ZNF362: variants seen among roughly 807,000 people sequenced by gnomAD.
The protein encoded by ZNF362 is zinc finger protein 362.
In ZNF362, 11 loss-of-function variants were observed where a neutral mutation model predicts 42.9. That is an observed-to-expected ratio of 0.26 (90% confidence interval 0.16 to 0.42). ZNF362 has a LOEUF of 0.42. ZNF362 is among the 20% of genes least tolerant of loss of function. The probability of loss-of-function intolerance (pLI) is 1.00; values close to 1 mark genes in which losing one functional copy is unlikely to be tolerated. For missense variants in ZNF362, 362 were observed against 576.2 expected (o/e 0.63, Z 3.81); for synonymous variants, 255 against 257.3 (o/e 0.99, Z 0.09).
the ZNF362 span, chr1:33,146,226 A>G: frequency 2.6e-5 from 6 of 228,226 alleles, no homozygotes; most frequent in African/African-American, 1.4e-4. Flanking sequence ...ACCAGCTACA[A>G]GTGGCTCTTG....
chr1:33,250,893 AAGG>A, the ZNF362 span, among the ~76,000 whole-genome samples: 8 of 150,006 alleles, frequency 5.3e-5, no homozygotes, highest in Non-Finnish European at 7.4e-5. Context: ...GAAGAAGAAG[AAGG>A]AGAAGAAGAA....
intron 6 of ZNF362, among the ~76,000 whole-genome samples, chr1:33,285,834 G>A: frequency 6.6e-6 from 1 of 152,066 alleles, no homozygotes; most frequent in East Asian, 1.9e-4. Flanking sequence ...AGGCCAAGGT[G>A]GGTGAATCAC....
chr1:33,259,884 T>C (rs1439052919), intron 1 of ZNF362, among the ~76,000 whole-genome samples: 1 of 152,376 alleles, frequency 6.6e-6, no homozygotes, highest in East Asian at 1.9e-4. Context: ...TTAGGTCCCA[T>C]TGTGTCACAT....
chr1:33,289,174 CAG>C (rs1646056129), intron 6 of ZNF362, among the ~76,000 whole-genome samples: 1 of 152,100 alleles, frequency 6.6e-6, no homozygotes. Flanking sequence ...CCTCCCCAGT[CAG>C]AGGAAGAACG....
chr1:33,180,987 C>T, the ZNF362 span: 2 of 1,410,638 alleles, frequency 1.4e-6, no homozygotes, highest in African/African-American at 1.4e-5. Flanking sequence ...ACCTCCAGCC[C>T]GGCCCCGCCC....
the ZNF362 span, among the ~76,000 whole-genome samples, chr1:33,189,667 A>ACG: frequency 0.063 from 2,019 of 32,086 alleles, 136 homozygotes; most frequent in African/African-American, 0.15. Flanking sequence ...ATATATATAT[A>ACG]TATATGTATA....
chr1:33,297,241 A>T (rs1184059167), intron 8 of ZNF362, among the ~76,000 whole-genome samples: 1 of 152,152 alleles, frequency 6.6e-6, no homozygotes, highest in Non-Finnish European at 1.5e-5. Context: ...CCAAGGCTCA[A>T]GTTTTCCATA....
rs2148097680 is a variant in ZNF362 at position 33,276,653 on chromosome 1, G to A, written c.349+59G>A. ...GAGGACTGGGCAGGAGGGGGCGGGCGTAGCGGGGGACTTGGTGAGGATGGG... is the reference window on the plus strand; with the variant it reads ...GAGGACTGGGCAGGAGGGGGCGGGCATAGCGGGGGACTTGGTGAGGATGGG... On this transcript the variant is annotated intron_variant, in intron 4 of 8. Coordinates refer to ENST00000539719, the MANE Select transcript of ZNF362 (RefSeq NM_152493.3). The A allele has an allele frequency of 7.0e-6, 9 of 1,291,512 alleles. No individual in the cohort carries two copies. The South Asian group carries it at 1.1e-4, about 15-fold the overall frequency. The allele number at this position is 1,291,512 out of a possible 1,614,324, so 80.0% of individuals were successfully genotyped here.
At chr1:33,283,303 A>G (rs1193438972) in intron 6 of ZNF362, among the ~76,000 whole-genome samples, 3 of 151,892 alleles carry the variant, frequency 2.0e-5, no homozygotes. Context: ...TGTTTTTGTC[A>G]TTTATTCGTT....
At chr1:33,288,300 A>G (rs1469905040) in intron 6 of ZNF362, among the ~76,000 whole-genome samples, 2 of 152,162 alleles carry the variant, frequency 1.3e-5, no homozygotes, top group African/African-American at 4.8e-5. Flanking sequence ...AGGCTGCAGA[A>G]GAAGCACTTG....
At chr1:33,222,547 G>C in the ZNF362 span, among the ~76,000 whole-genome samples, 1 of 152,088 alleles carries the variant, frequency 6.6e-6, no homozygotes, top group Non-Finnish European at 1.5e-5. Flanking sequence ...AAATTTTCCA[G>C]TAATTTCCTA....
In ZNF362 at chr1:33,262,296, TC is replaced by T. The variant is rs374646897; in HGVS notation, c.-89+5643del. 9.4e-3 allele frequency among the ~76,000 whole-genome samples: 1,153 copies of T among 122,572 alleles called. 25 individuals are homozygous for T. The highest frequency in any genetic ancestry group is 0.033 in the African/African-American group (1,063 of 31,896). 80.4% of individuals were successfully genotyped at this position (122,572 alleles called of 152,430 possible). On this transcript the variant is annotated intron_variant, in intron 1 of 8. Coordinates refer to ENST00000539719, the MANE Select transcript of ZNF362 (RefSeq NM_152493.3). ...GAACTTTGGGCAAAGGCTTTAGGAT[TC>T]TTTTTTTTTTTTTTTTTTTTTTTTT...
the ZNF362 span, among the ~76,000 whole-genome samples, chr1:33,169,650 C>T: frequency 3.9e-5 from 6 of 152,158 alleles, no homozygotes; most frequent in African/African-American, 1.4e-4. Context: ...TTCTCCAGTC[C>T]TAGCTCTTGG....
chr1:33,244,703 C>T, the ZNF362 span, among the ~76,000 whole-genome samples: 1 of 152,182 alleles, frequency 6.6e-6, no homozygotes, highest in Non-Finnish European at 1.5e-5. The surrounding 1 kb of genome is among the most constrained non-coding windows in gnomAD (Gnocchi z 4.0). Context: ...CTGGCTTCAT[C>T]TCTCTGAGCC....
chr1:33,197,254 C>T, the ZNF362 span, among the ~76,000 whole-genome samples: 1 of 152,222 alleles, frequency 6.6e-6, no homozygotes, highest in African/African-American at 2.4e-5. Flanking sequence ...CAGACTCAGA[C>T]TGAGCCACTA....
chr1:33,221,462 T>G, the ZNF362 span, among the ~76,000 whole-genome samples: 1 of 152,204 alleles, frequency 6.6e-6, no homozygotes, highest in Non-Finnish European at 1.5e-5. Context: ...ATCACCAAGA[T>G]TATACCCACA....
chr1:33,270,066 G>A (rs1475328226), intron 1 of ZNF362, among the ~76,000 whole-genome samples: 5 of 152,196 alleles, frequency 3.3e-5, no homozygotes, highest in African/African-American at 9.7e-5. Flanking sequence ...TTCCTCATCT[G>A]TACAACAGGT....
chr1:33,159,874 C>A, the ZNF362 span: 3 of 1,612,216 alleles, frequency 1.9e-6, no homozygotes, highest in African/African-American at 4.0e-5. The surrounding 1 kb of genome is among the most constrained non-coding windows in gnomAD (Gnocchi z 4.2). Context: ...GGCCTTCTGG[C>A]GTTCACGCAG....
chr1:33,249,778 G>A, the ZNF362 span, among the ~76,000 whole-genome samples: 1 of 152,110 alleles, frequency 6.6e-6, no homozygotes, highest in African/African-American at 2.4e-5. Flanking sequence ...ATTTTCCAAG[G>A]GAGGCAAGGT....
Sources: allele counts gnomAD v4.1 joint callset (sites outside exome capture counted in the v4.1 genomes callset), GRCh38; gene constraint gnomAD v4.1.1; non-coding constraint Gnocchi (gnomAD v3.1); transcripts MANE v1.5; gene names NCBI Gene and HGNC (gene_info 2026-07-23, HGNC 2026-07-21).